PRIM2: variants seen among roughly 807,000 people sequenced by gnomAD.
The protein encoded by PRIM2 is DNA primase large subunit.
Under a neutral mutation model 67.3 loss-of-function variants are expected in PRIM2, and 39 were observed. The ratio of observed to expected loss-of-function variants is 0.58; its 90% confidence interval spans 0.45 to 0.76. The LOEUF is 0.76. Among genes scored for constraint, PRIM2 ranks in the 30% least tolerant of loss-of-function variants. The probability of loss-of-function intolerance (pLI) is 0.00; values close to 1 mark genes in which losing one functional copy is unlikely to be tolerated. For missense variants in PRIM2, 398 were observed against 598.7 expected (o/e 0.66, Z 3.50); for synonymous variants, 143 against 198.7 (o/e 0.72, Z 2.36).
Position 57,529,797 on chromosome 6 carries a change from G to C in PRIM2, c.762-2614G>C, listed in dbSNP as rs1774847787. 2.0e-5 allele frequency among the ~76,000 whole-genome samples: 3 copies of C among 152,244 alleles called. No homozygotes were observed. The South Asian group carries it at 6.2e-4, about 32-fold the overall frequency. ...TATTAACATTTTGTATCAGTTTTCT[G>C]TGCTTATAACAGAATATCTGAAATT... On this transcript the variant is annotated intron_variant, in intron 8 of 13. Coordinates refer to ENST00000615550, the MANE Select transcript of PRIM2 (RefSeq NM_000947.5).
chr6:57,388,985 C>T (rs1770239176), intron 7 of PRIM2, among the ~76,000 whole-genome samples: 1 of 152,178 alleles, frequency 6.6e-6, no homozygotes, highest in Non-Finnish European at 1.5e-5. Context: ...CACTTGATTT[C>T]ATTAAGCAGA....
intron 8 of PRIM2, among the ~76,000 whole-genome samples, chr6:57,525,436 A>G (rs1235787010): frequency 9.9e-5 from 15 of 152,078 alleles, no homozygotes; most frequent in African/African-American, 3.4e-4. Context: ...AGCTTAAACT[A>G]TTTTCCAACT....
intron 7 of PRIM2, among the ~76,000 whole-genome samples, chr6:57,392,135 A>G (rs1017379864): frequency 7.2e-5 from 11 of 152,060 alleles, no homozygotes; most frequent in East Asian, 1.9e-4. Flanking sequence ...TTTTGTGGCA[A>G]TTGTGAATGG....
chr6:57,232,462 G>A, the PRIM2 span, among the ~76,000 whole-genome samples: 1 of 152,188 alleles, frequency 6.6e-6, no homozygotes, highest in Admixed American at 6.5e-5. Context: ...TGAGGCAGGA[G>A]AATCACTTGA....
chr6:57,264,594 C>CTTTTT, the PRIM2 span, among the ~76,000 whole-genome samples: 8 of 107,010 alleles, frequency 7.5e-5, no homozygotes, highest in African/African-American at 1.2e-4. Flanking sequence ...AAGTCAAACG[C>CTTTTT]TTTTTTTTTT....
intron 7 of PRIM2, among the ~76,000 whole-genome samples, chr6:57,399,578 A>G (rs1188698557): frequency 6.6e-6 from 1 of 152,200 alleles, no homozygotes; most frequent in East Asian, 1.9e-4. Flanking sequence ...GCTGGGTCAA[A>G]TGGTATTTCT....
At chr6:57,451,593 AG>A (rs1289749605) in intron 7 of PRIM2, among the ~76,000 whole-genome samples, 1 of 152,180 alleles carries the variant, frequency 6.6e-6, no homozygotes, top group Non-Finnish European at 1.5e-5. Context: ...CAGCATTTAA[AG>A]AAAAGGAAAG....
chr6:57,384,857 A>T (rs1013736635), intron 7 of PRIM2, among the ~76,000 whole-genome samples: 2 of 152,214 alleles, frequency 1.3e-5, no homozygotes. Context: ...AAACCTAACT[A>T]TGAAAATGCA....
At chr6:57,495,072 CA>C (rs1773975124) in intron 7 of PRIM2, among the ~76,000 whole-genome samples, 1 of 152,048 alleles carries the variant, frequency 6.6e-6, no homozygotes, top group Admixed American at 6.6e-5. Flanking sequence ...TTTTAATAGG[CA>C]AAACATGTTT....
intron 8 of PRIM2, among the ~76,000 whole-genome samples, chr6:57,516,456 C>G (rs1265968598): frequency 3.9e-5 from 6 of 152,160 alleles, no homozygotes; most frequent in South Asian, 2.1e-4. Context: ...AGTTAATTTA[C>G]TTTACTAGTT....
At chr6:57,258,382 G>GT in the PRIM2 span, among the ~76,000 whole-genome samples, 4 of 151,290 alleles carry the variant, frequency 2.6e-5, no homozygotes, top group Admixed American at 6.6e-5. Flanking sequence ...CGCAAATGAG[G>GT]TTTAAAAAAA....
At chr6:57,448,692 A>G (rs1471857231) in intron 7 of PRIM2, among the ~76,000 whole-genome samples, 1 of 152,190 alleles carries the variant, frequency 6.6e-6, no homozygotes, top group Non-Finnish European at 1.5e-5. Context: ...GTTAAAGAGT[A>G]AAGCTTTGTC....
chr6:57,565,983 A>G (rs1479079937), intron 10 of PRIM2, among the ~76,000 whole-genome samples: 2 of 152,064 alleles, frequency 1.3e-5, no homozygotes, highest in African/African-American at 2.4e-5. Flanking sequence ...ATCAGGTCAC[A>G]TGTTAGATTT....
chr6:57,241,528 CTT>C, the PRIM2 span, among the ~76,000 whole-genome samples: 2 of 144,346 alleles, frequency 1.4e-5, no homozygotes, highest in South Asian at 2.2e-4. Context: ...AAAAAAAAAA[CTT>C]TAAAAAATAG....
At chr6:57,592,103 G>T (rs1191620847) in intron 10 of PRIM2, among the ~76,000 whole-genome samples, 2 of 152,026 alleles carry the variant, frequency 1.3e-5, no homozygotes, top group Non-Finnish European at 2.9e-5. Context: ...TCACTTATAA[G>T]TGGGAGCTAA....
the PRIM2 span, among the ~76,000 whole-genome samples, chr6:57,249,102 A>G: frequency 6.6e-6 from 1 of 152,206 alleles, no homozygotes; most frequent in African/African-American, 2.4e-5. Flanking sequence ...GAAAACATGC[A>G]AATTTGAAAG....
chr6:57,429,027 T>C (rs1771731150), intron 7 of PRIM2, among the ~76,000 whole-genome samples: 1 of 152,348 alleles, frequency 6.6e-6, no homozygotes, highest in East Asian at 1.9e-4. Flanking sequence ...TTATACCATC[T>C]CTGCAGCCTT....
chr6:57,325,479 A>G (rs1767818775), intron 4 of PRIM2, among the ~76,000 whole-genome samples: 1 of 151,728 alleles, frequency 6.6e-6, no homozygotes. Context: ...TTTTTTGTAG[A>G]TATGGGGTTT....
At chr6:57,275,867 C>A in the PRIM2 span, among the ~76,000 whole-genome samples, 1 of 152,158 alleles carries the variant, frequency 6.6e-6, no homozygotes, top group African/African-American at 2.4e-5. Flanking sequence ...ACGTCCATAG[C>A]AGTGGTGTTC....
Sources: gnomAD v4.1 joint callset for allele counts (sites outside exome capture counted in the v4.1 genomes callset) on GRCh38, gnomAD v4.1.1 for gene constraint, MANE v1.5 for transcripts, NCBI Gene and HGNC (gene_info 2026-07-23, HGNC 2026-07-21) for gene names.